AP3B2: variants seen among roughly 807,000 people sequenced by gnomAD.
AP3B2 encodes AP-3 complex subunit beta-2.
A neutral mutation model predicts 126.9 loss-of-function variants in AP3B2; 50 were observed. The observed-to-expected ratio is 0.39, with a 90% confidence interval of 0.31 to 0.50. The LOEUF (loss-of-function observed/expected upper bound fraction) is 0.50, where lower values mean the gene tolerates loss of function less well. Among genes scored for constraint, AP3B2 ranks in the 20% least tolerant of loss-of-function variants. AP3B2 has a pLI of 0.79. For missense variants in AP3B2, 1,177 were observed against 1,426.4 expected (o/e 0.83, Z 2.82); for synonymous variants, 541 against 565.0 (o/e 0.96, Z 0.60).
At chr15:82,666,983 G>A in intron 14 of AP3B2, 50 bp from the exon 15 acceptor site, 1 of 1,557,660 alleles carries the variant, frequency 6.4e-7, no homozygotes. Flanking sequence ...TGGGGACACA[G>A]GAGGCTCAGA....
chr15:82,660,687 C>T (rs1276151565), intron 25 of AP3B2, among the ~76,000 whole-genome samples: 1 of 152,200 alleles, frequency 6.6e-6, no homozygotes, highest in Non-Finnish European at 1.5e-5. Context: ...CCCTATTCTT[C>T]ACCTCCTTTT....
rs1184819438 is a variant in AP3B2 at position 82,680,468 on chromosome 15, G to C, written c.1055+4C>G. 6.7e-7 allele frequency: 1 copy of C among 1,490,360 alleles called. No homozygotes were observed. Among genetic ancestry groups the C allele is most frequent in the Admixed American group, 2.1e-5 (1 of 47,200 alleles). The allele number at this position is 1,490,360 out of a possible 1,614,324, so 92.3% of individuals were successfully genotyped here. On this transcript the variant is annotated splice_donor_region_variant and intron_variant, in intron 8 of 26. Transcript: ENST00000535359. The surrounding 1 kb of genome is among the most constrained non-coding windows in gnomAD (Gnocchi z 6.1). ...GAGGGGGCGGGGCTGGGGGCGGAGCGCACCTGTGGCTGCGCAGCAGGCGCA... is the reference window on the plus strand; with the variant it reads ...GAGGGGGCGGGGCTGGGGGCGGAGCCCACCTGTGGCTGCGCAGCAGGCGCA...
intron 4 of AP3B2, 52 bp downstream of exon 4, chr15:82,688,684 G>C: frequency 9.9e-6 from 15 of 1,510,612 alleles, no homozygotes; most frequent in Non-Finnish European, 1.4e-5. Context: ...CTACTCCTCC[G>C]ATACAGCGCC....
intron 1 of AP3B2, among the ~76,000 whole-genome samples, chr15:82,691,260 C>T (rs2048527182): frequency 6.6e-6 from 1 of 152,244 alleles, no homozygotes; most frequent in South Asian, 2.1e-4. Context: ...TCCACATCCT[C>T]TCCAGCACCT....
Position 82,664,785 on chromosome 15 carries a change from A to G in AP3B2, c.2137+50T>C, listed in dbSNP as rs2048022140. 2 of 1,397,810 alleles carry G rather than the reference A, an allele frequency of 1.4e-6. No individual in the cohort carries two copies. The highest frequency in any genetic ancestry group is 2.0e-6 in the Non-Finnish European group (2 of 1,007,988). 86.6% of individuals were successfully genotyped at this position (1,397,810 alleles called of 1,614,324 possible). On this transcript the variant is annotated intron_variant, in intron 18 of 26. Coordinates refer to ENST00000535359, the MANE Select transcript of AP3B2 (RefSeq NM_001278512.2). The surrounding 1 kb of genome is among the most constrained non-coding windows in gnomAD (Gnocchi z 4.5). ...ATATACCCCTCATATAGTCAGTCAC[A>G]CAGATGCATGGGCAGAGCACAGAGG...
intron 1 of AP3B2, among the ~76,000 whole-genome samples, chr15:82,704,250 T>TA (rs2048762876): frequency 6.6e-6 from 1 of 152,196 alleles, no homozygotes; most frequent in African/African-American, 2.4e-5. Flanking sequence ...ATTCTCAATA[T>TA]ACATTTTATT....
chr15:82,676,715 A>G (rs966540495), intron 13 of AP3B2, 78 bp from the exon 14 acceptor site: 15 of 1,442,654 alleles, frequency 1.0e-5, no homozygotes, highest in Non-Finnish European at 1.4e-5. Flanking sequence ...CCAGGGAAAC[A>G]GCACTCCTCA....
chr15:82,679,652 G>A (rs1435984927), intron 10 of AP3B2, 77 bp downstream of exon 10: 1 of 1,349,664 alleles, frequency 7.4e-7, no homozygotes, highest in Admixed American at 1.7e-5. Flanking sequence ...GCACCAGGGG[G>A]GCCACTGTGA....
chr15:82,698,150 A>T lies in AP3B2; in HGVS notation c.114-8697T>A, dbSNP rs1300929912. 2.0e-5 allele frequency among the ~76,000 whole-genome samples: 3 copies of T among 152,112 alleles called. No homozygotes were observed. The East Asian group carries it at 5.8e-4, about 29-fold the overall frequency. On this transcript the variant is annotated intron_variant, in intron 1 of 26. Coordinates refer to ENST00000535359, the MANE Select transcript of AP3B2 (RefSeq NM_001278512.2). ...CATACCTACACCTCACGGACAGCTC[A>T]TACAAACATACCTACAGGTCCCGCA... is the stretch of plus-strand genomic sequence containing the variant.
At chr15:82,694,486 A>C (rs960079029) in intron 1 of AP3B2, among the ~76,000 whole-genome samples, 4 of 152,000 alleles carry the variant, frequency 2.6e-5, no homozygotes, top group African/African-American at 9.6e-5. Flanking sequence ...AGGAGTTGGG[A>C]CCAGCCTGGA....
chr15:82,661,740 C>T (rs968034545), intron 25 of AP3B2, 85 bp downstream of exon 25: 3 of 1,159,342 alleles, frequency 2.6e-6, no homozygotes, highest in Non-Finnish European at 3.8e-6. Flanking sequence ...ATGAAGGACA[C>T]CACCATTCTC....
chr15:82,679,661 G>C, intron 10 of AP3B2, 68 bp downstream of exon 10: 4 of 1,389,156 alleles, frequency 2.9e-6, no homozygotes, highest in Non-Finnish European at 1.0e-6. Context: ...GGGCCACTGT[G>C]AGTTATTTGA....
Position 82,689,435 on chromosome 15 carries a change from C to T in AP3B2, c.132G>A (p.Glu44=). The T allele has an allele frequency of 1.2e-6, 2 of 1,613,754 alleles. No individual in the cohort carries two copies. The highest frequency in any genetic ancestry group is 1.7e-6 in the Non-Finnish European group (2 of 1,179,824). Residue 44 remains glutamate (E), a synonymous_variant, in exon 2 of 27, where the codon GAG becomes GAA. Coordinates refer to ENST00000535359, the MANE Select transcript of AP3B2 (RefSeq NM_001278512.2). ...GAGAATCCTTGTTGGTGTCCAGCAT[C>T]TCCTTCAGGTCATCATGCCTGGTGG... ...SDYKRHDDLK[E]MLDTNKDSLK... is the part of the protein sequence containing the mutation.
At chr15:82,691,029 T>C (rs1233319033) in intron 1 of AP3B2, among the ~76,000 whole-genome samples, 2 of 151,970 alleles carry the variant, frequency 1.3e-5, no homozygotes, top group African/African-American at 4.8e-5. Context: ...TTTGGGTTGG[T>C]TCCAAGTCTT....
chr15:82,705,925 A>G (rs1379694724), intron 1 of AP3B2, among the ~76,000 whole-genome samples: 1 of 152,092 alleles, frequency 6.6e-6, no homozygotes, highest in Non-Finnish European at 1.5e-5. Flanking sequence ...CATTCCTTAA[A>G]AACAGCCGTA....
At position 82,662,692 on chromosome 15, in the gene AP3B2, A is replaced by C. The variant is rs1161575285; in HGVS notation, c.2833+2T>G. The C allele has an allele frequency of 6.2e-7, 1 of 1,611,266 alleles. No homozygotes were observed. Among genetic ancestry groups the C allele is most frequent in the Admixed American group, 1.7e-5 (1 of 59,656 alleles). On this transcript the variant is annotated splice_donor_variant, in intron 23 of 26. Transcript: ENST00000535359. LOFTEE classifies it high-confidence loss of function. Reference sequence around the variant, plus strand: ...CTCCACCCCATCCAAAGCCCTTCGCACCAATTTCGGGAAATTCTTGGATGC... The same window carrying C: ...CTCCACCCCATCCAAAGCCCTTCGCCCCAATTTCGGGAAATTCTTGGATGC...
chr15:82,659,991 T>C lies in AP3B2; in HGVS notation c.3017-8A>G. ...TCATGCCCATCAGCTTTCCTGGGGGTAGAGGTCGTGATGAGGGCAGAGGCC... is the reference window on the plus strand; with the variant it reads ...TCATGCCCATCAGCTTTCCTGGGGGCAGAGGTCGTGATGAGGGCAGAGGCC... On this transcript the variant is annotated splice_polypyrimidine_tract_variant and splice_region_variant and intron_variant, in intron 25 of 26. Coordinates refer to ENST00000535359, the MANE Select transcript of AP3B2 (RefSeq NM_001278512.2). 6.2e-7 allele frequency: 1 copy of C among 1,613,414 alleles called. No homozygotes were observed. Among genetic ancestry groups the C allele is most frequent in the African/African-American group, 1.3e-5 (1 of 74,962 alleles).
chr15:82,699,762 T>A (rs9652567), intron 1 of AP3B2: 10 of 398,838 alleles, frequency 2.5e-5, no homozygotes, highest in Non-Finnish European at 4.0e-5. Flanking sequence ...GGTACCGGAG[T>A]GGGGGCCCAC....
chr15:82,691,594 TTTC>T (rs1337020220), intron 1 of AP3B2: 2 of 707,142 alleles, frequency 2.8e-6, no homozygotes. Flanking sequence ...GTAGTTTTTT[TTTC>T]TTCTTTAAAA....
Sources: gnomAD v4.1 joint callset for allele counts (sites outside exome capture counted in the v4.1 genomes callset) on GRCh38, gnomAD v4.1.1 for gene constraint, Gnocchi (gnomAD v3.1) non-coding constraint, MANE v1.5 for transcripts, NCBI Gene and HGNC (gene_info 2026-07-23, HGNC 2026-07-21) for gene names.